PAM: variants seen among roughly 807,000 people sequenced by gnomAD.
PAM encodes peptidylglycine alpha-amidating monooxygenase.
PAM carries 72 observed loss-of-function variants against 122.1 expected under a neutral mutation model. The observed-to-expected ratio is 0.59, with a 90% CI of 0.49 to 0.72. PAM has a LOEUF of 0.72. Ranked by LOEUF, PAM falls within the 30% of genes least tolerant of loss-of-function variation. The pLI, the probability that PAM is intolerant of heterozygous loss-of-function variation, is 0.00. For synonymous variants in PAM, 389 were observed against 404.4 expected (o/e 0.96, Z 0.46); for missense variants, 1,106 against 1,183.7 (o/e 0.93, Z 0.96).
At chr5:102,756,961 A>G (rs1211412002) in intron 1 of PAM, among the ~76,000 whole-genome samples, 3 of 152,192 alleles carry the variant, frequency 2.0e-5, no homozygotes, top group South Asian at 4.1e-4. Flanking sequence ...TCATATTTTT[A>G]TATGAACAGT....
chr5:103,006,147 G>A (rs1778900325), intron 18 of PAM, among the ~76,000 whole-genome samples: 1 of 152,086 alleles, frequency 6.6e-6, no homozygotes, highest in Admixed American at 6.6e-5. Flanking sequence ...AGGTTGCCCA[G>A]GCTGGTCTTG....
At chr5:102,986,246 G>A (rs1481404844) in intron 15 of PAM, among the ~76,000 whole-genome samples, 1 of 152,090 alleles carries the variant, frequency 6.6e-6, no homozygotes, top group African/African-American at 2.4e-5. Context: ...AGTCAGGCAA[G>A]AACAAGAAAT....
At chr5:102,780,759 CTTTCTTTCTTTCTTTCTTTCTTTCTT>C (rs1758578703) in intron 1 of PAM, among the ~76,000 whole-genome samples, 5 of 27,214 alleles carry the variant, frequency 1.8e-4, no homozygotes, top group African/African-American at 7.5e-4. Context: ...CTTTCTCTTT[CTTTCTTTCTTTCTTTCTTTCTTTCTT>C]TCTTTCTTTC....
intron 1 of PAM, among the ~76,000 whole-genome samples, chr5:102,840,542 G>A (rs1561595491): frequency 6.6e-6 from 1 of 152,128 alleles, no homozygotes; most frequent in African/African-American, 2.4e-5. Flanking sequence ...TATAATTTGG[G>A]ATTGAGTTTA....
intron 16 of PAM, among the ~76,000 whole-genome samples, chr5:102,991,574 A>G (rs1774092863): frequency 1.3e-5 from 2 of 152,166 alleles, no homozygotes; most frequent in Non-Finnish European, 2.9e-5. Context: ...TCACGTATGC[A>G]TATGTCTAAT....
intron 16 of PAM, among the ~76,000 whole-genome samples, chr5:102,992,566 C>G (rs574910194): frequency 7.2e-5 from 11 of 152,144 alleles, no homozygotes; most frequent in African/African-American, 2.6e-4. Context: ...TAATGCATGG[C>G]CATCATTCCT....
chr5:102,779,364 A>G (rs931012153), intron 1 of PAM, among the ~76,000 whole-genome samples: 8 of 152,082 alleles, frequency 5.3e-5, no homozygotes, highest in African/African-American at 9.7e-5. Context: ...TGATTACACC[A>G]TAAGACCTAA....
intron 7 of PAM, among the ~76,000 whole-genome samples, chr5:102,936,024 A>C (rs1345574327): frequency 6.6e-6 from 1 of 152,194 alleles, no homozygotes; most frequent in Non-Finnish European, 1.5e-5. Context: ...ATCATTAAAA[A>C]TAAAGGCAAG....
intron 7 of PAM, among the ~76,000 whole-genome samples, chr5:102,932,259 A>T (rs1751794821): frequency 6.6e-6 from 1 of 152,092 alleles, no homozygotes; most frequent in African/African-American, 2.4e-5. Context: ...AGGCCGAAGC[A>T]GGCAGATCAC....
At chr5:102,952,908 G>A (rs1311940016) in intron 12 of PAM, among the ~76,000 whole-genome samples, 3 of 151,920 alleles carry the variant, frequency 2.0e-5, no homozygotes, top group African/African-American at 7.3e-5. Flanking sequence ...ATTCCCACAG[G>A]ACACAGATTT....
At chr5:102,902,013 C>T (rs1798094671) in intron 4 of PAM, among the ~76,000 whole-genome samples, 1 of 151,590 alleles carries the variant, frequency 6.6e-6, no homozygotes, top group South Asian at 2.1e-4. Flanking sequence ...GACAAAGCAC[C>T]ATCTGTTTCC....
At chr5:103,008,140 A>G (rs1159242832) in intron 20 of PAM, among the ~76,000 whole-genome samples, 1 of 152,074 alleles carries the variant, frequency 6.6e-6, no homozygotes, top group Non-Finnish European at 1.5e-5. Flanking sequence ...CTTTTTTCTC[A>G]TTTTCAAAAT....
intron 1 of PAM, among the ~76,000 whole-genome samples, chr5:102,794,984 G>T (rs1383610056): frequency 6.6e-6 from 1 of 151,880 alleles, no homozygotes. Flanking sequence ...GTGCCCAGGA[G>T]TTGGAGACCA....
rs140254461 is a variant in PAM, at chr5:102,879,165, C to T, written c.210+11772C>T. On this transcript the variant is annotated intron_variant, in intron 3 of 25. Transcript: ENST00000438793. ...CAGGATGGTCTCGATCTCCTGACCT[C>T]GTGATCTGCCCGCTTCGGCCTCCCA... is the stretch of plus-strand genomic sequence containing the variant. Among the ~76,000 whole-genome samples the T allele has an allele frequency of 1.3e-3, 201 of 152,264 alleles. 1 individual carries two copies. The highest frequency in any genetic ancestry group is 4.6e-3 in the African/African-American group (193 of 41,554).
intron 3 of PAM, among the ~76,000 whole-genome samples, chr5:102,892,991 G>T (rs1190861095): frequency 6.6e-6 from 1 of 151,734 alleles, no homozygotes; most frequent in African/African-American, 2.4e-5. Flanking sequence ...ATCTAATTTA[G>T]CTTATTACAC....
At chr5:102,775,471 A>C (rs1006393666) in intron 1 of PAM, among the ~76,000 whole-genome samples, 1 of 151,986 alleles carries the variant, frequency 6.6e-6, no homozygotes, top group Non-Finnish European at 1.5e-5. Context: ...TGCATTAGCT[A>C]TTTATCCTGA....
At chr5:102,814,972 A>G (rs1184377716) in intron 1 of PAM, among the ~76,000 whole-genome samples, 1 of 151,788 alleles carries the variant, frequency 6.6e-6, no homozygotes, top group African/African-American at 2.4e-5. Flanking sequence ...CCCCCCATAC[A>G]CACAGTTACT....
intron 1 of PAM, among the ~76,000 whole-genome samples, chr5:102,835,262 C>T (rs1334041639): frequency 6.6e-6 from 1 of 152,084 alleles, no homozygotes; most frequent in Non-Finnish European, 1.5e-5. Context: ...GTGATCCCTT[C>T]TCTTTTCAGG....
intron 1 of PAM, among the ~76,000 whole-genome samples, chr5:102,861,930 G>C (rs1407931640): frequency 6.6e-6 from 1 of 152,094 alleles, no homozygotes; most frequent in African/African-American, 2.4e-5. Context: ...AGCACTTCAG[G>C]AGGCTGAGAC....
Sources: allele counts gnomAD v4.1 joint callset (sites outside exome capture counted in the v4.1 genomes callset), GRCh38; gene constraint gnomAD v4.1.1; transcripts MANE v1.5; gene names NCBI Gene and HGNC (gene_info 2026-07-23, HGNC 2026-07-21).